Variants in RP1 observed in about 807,000 individuals in gnomAD.
The protein encoded by RP1 is oxygen-regulated protein 1.
RP1 carries 16 observed loss-of-function variants against 14.8 expected under a neutral mutation model. That is an observed-to-expected ratio of 1.08 (90% confidence interval 0.73 to 1.65). The LOEUF (loss-of-function observed/expected upper bound fraction) is 1.65. Among genes scored for constraint, RP1 ranks in the 40% most tolerant of loss-of-function variants. The pLI is 0.00. For synonymous variants in RP1, 876 were observed against 883.6 expected, an observed-to-expected ratio of 0.99 and a Z score of 0.15; for missense variants, 2,631 against 2,535.0, an observed-to-expected ratio of 1.04 and a Z score of -0.81.
chr8:54,753,252 G>C (rs1041515083), intron 19 of RP1, among the ~76,000 whole-genome samples: 1 of 152,188 alleles, frequency 6.6e-6, no homozygotes, highest in Non-Finnish European at 1.5e-5. Flanking sequence ...TCTGTAACCT[G>C]TATTGACAAA....
At chr8:54,724,706 A>G (rs1040011075) in intron 16 of RP1, among the ~76,000 whole-genome samples, 1 of 152,186 alleles carries the variant, frequency 6.6e-6, no homozygotes, top group Non-Finnish European at 1.5e-5. Context: ...ACCTGGCCTA[A>G]AGACAAAATG....
Position 54,809,361 on chromosome 8 carries a change from A to G in RP1, c.3615+25651A>G, listed in dbSNP as rs138874103. Among the ~76,000 whole-genome samples the G allele has an allele frequency of 2.0e-5, 3 of 152,308 alleles. No homozygotes were observed. In the East Asian group the frequency reaches 5.8e-4, roughly 29 times the overall value. On this transcript the variant is annotated intron_variant, in intron 24 of 28. Coordinates refer to the RP1 transcript ENST00000637698. ...TGTGGGAGTTATGTATATGCTTCCA[A>G]AAGAGGCCAAATTCTCACAGGATAT...
chr8:54,839,885 C>A (rs2129404040), intron 25 of RP1, among the ~76,000 whole-genome samples: 1 of 152,266 alleles, frequency 6.6e-6, no homozygotes, highest in South Asian at 2.1e-4. Flanking sequence ...TATATTTTGA[C>A]AGTTTGCAAA....
At chr8:54,752,967 T>G (rs970803960) in intron 19 of RP1, among the ~76,000 whole-genome samples, 14 of 152,254 alleles carry the variant, frequency 9.2e-5, no homozygotes, top group African/African-American at 3.4e-4. Context: ...AATGTTAATA[T>G]GAAGTATTTG....
In RP1 at chr8:54,626,395, C is replaced by T; in HGVS notation, c.2513C>T (p.Ser838Phe). The T allele has an allele frequency of 6.2e-7, 1 of 1,613,448 alleles. No homozygotes were observed. The highest frequency in any genetic ancestry group is 1.7e-5 in the Admixed American group (1 of 59,964). The change falls in exon 4 of 4, where the codon TCT becomes TTT. Residue 838 changes from serine (S) to phenylalanine (F), a missense_variant. Transcript: ENST00000220676. Reference sequence around the variant, plus strand: ...CCCAAAGATTTTTATGCACCGCAATCTCAAGCAGAAGTGGCATCTGGGTAT... The same window carrying T: ...CCCAAAGATTTTTATGCACCGCAATTTCAAGCAGAAGTGGCATCTGGGTAT... ...QKPKDFYAPQ[S>F]QAEVASGYLR...
At chr8:54,607,452 C>T (rs1048947257) in intron 1 of RP1, among the ~76,000 whole-genome samples, 1 of 152,200 alleles carries the variant, frequency 6.6e-6, no homozygotes, top group Non-Finnish European at 1.5e-5. Context: ...CAGTCTGCCC[C>T]TACTGGGGGG....
At chr8:54,770,760 ACTT>A, downstream of RP1, among the ~76,000 whole-genome samples, 1 of 151,700 alleles carries the variant, frequency 6.6e-6, no homozygotes, top group East Asian at 1.9e-4. Context: ...ATTTATATTA[ACTT>A]CTTTTAATTG....
intron 1 of RP1, among the ~76,000 whole-genome samples, chr8:54,608,650 AC>A (rs1347639098): frequency 2.0e-5 from 3 of 152,188 alleles, no homozygotes; most frequent in African/African-American, 7.2e-5. Context: ...CCTATAACAA[AC>A]CTGTACATGC....
At chr8:54,624,443 C>CAAAAAAAAA (rs11332494) in intron 3 of RP1, among the ~76,000 whole-genome samples, 30 of 56,580 alleles carry the variant, frequency 5.3e-4, no homozygotes, top group East Asian at 2.0e-3. Flanking sequence ...GACTCTGTCT[C>CAAAAAAAAA]AAAAAAAAAA....
intron 23 of RP1, among the ~76,000 whole-genome samples, chr8:54,782,295 T>C (rs1480948861): frequency 6.6e-6 from 1 of 152,202 alleles, no homozygotes; most frequent in Non-Finnish European, 1.5e-5. Context: ...GGTCCATCTT[T>C]CTTAACAAAG....
intron 24 of RP1, among the ~76,000 whole-genome samples, chr8:54,824,873 A>C (rs911430877): frequency 6.6e-6 from 1 of 152,216 alleles, no homozygotes; most frequent in African/African-American, 2.4e-5. Context: ...CCCATTCATA[A>C]TTTTTAAAAC....
chr8:54,660,809 A>G (rs1806871869), intron 6 of RP1, among the ~76,000 whole-genome samples: 1 of 152,060 alleles, frequency 6.6e-6, no homozygotes, highest in Non-Finnish European at 1.5e-5. Context: ...CCCTGGGTAA[A>G]TATGTCAATT....
chr8:54,673,996 A>T (rs80303530), intron 8 of RP1: 67 of 1,229,944 alleles, frequency 5.4e-5, no homozygotes, highest in Non-Finnish European at 7.1e-5. Flanking sequence ...CTCTGTTCAA[A>T]TCTAGAAAAT....
intron 1 of RP1, among the ~76,000 whole-genome samples, chr8:54,602,745 G>A: frequency 6.6e-6 from 1 of 152,144 alleles, no homozygotes; most frequent in East Asian, 1.9e-4. Context: ...GGTGTGAGAT[G>A]GTATCTCATT....
At chr8:54,578,504 G>A (rs1179855706) in intron 1 of RP1, among the ~76,000 whole-genome samples, 1 of 152,094 alleles carries the variant, frequency 6.6e-6, no homozygotes, top group Non-Finnish European at 1.5e-5. Flanking sequence ...CACTGCACCT[G>A]ACCTAATTTT....
intron 4 of RP1, among the ~76,000 whole-genome samples, chr8:54,651,301 G>A (rs1255152344): frequency 6.6e-6 from 1 of 152,108 alleles, no homozygotes; most frequent in Admixed American, 6.5e-5. Flanking sequence ...CTTGCAGAAT[G>A]AGTTAAAAAG....
chr8:54,602,461 G>T (rs867142331), intron 1 of RP1, among the ~76,000 whole-genome samples: 1 of 152,164 alleles, frequency 6.6e-6, no homozygotes, highest in Non-Finnish European at 1.5e-5. Flanking sequence ...GTTGGTTCCA[G>T]GTCTTTGCTA....
chr8:54,809,015 T>A (rs1020487772), intron 24 of RP1, among the ~76,000 whole-genome samples: 1 of 152,260 alleles, frequency 6.6e-6, no homozygotes, highest in Non-Finnish European at 1.5e-5. Context: ...AAGCTCTAGT[T>A]CTACCAAGTA....
chr8:54,567,926 A>C (rs529963615), intron 1 of RP1, among the ~76,000 whole-genome samples: 15 of 152,354 alleles, frequency 9.8e-5, no homozygotes, highest in African/African-American at 3.6e-4. Context: ...TTTTGGCTTC[A>C]AACAAAAGCA....
Sources: allele counts gnomAD v4.1 joint callset (sites outside exome capture counted in the v4.1 genomes callset), GRCh38; gene constraint gnomAD v4.1.1; transcripts MANE v1.5; gene names NCBI Gene and HGNC (gene_info 2026-07-23, HGNC 2026-07-21).